Variants in NKAIN3 observed in about 807,000 individuals in gnomAD.
NKAIN3 encodes sodium/potassium transporting ATPase interacting 3.
NKAIN3 carries 25 observed loss-of-function variants against 30.2 expected under a neutral mutation model. The observed-to-expected ratio is 0.83, with a 90% CI of 0.60 to 1.16. The LOEUF (loss-of-function observed/expected upper bound fraction) is 1.16, where lower values mean the gene tolerates loss of function less well. NKAIN3 is among the 50% of genes most tolerant of loss of function. The pLI is 0.00. For missense variants in NKAIN3, 225 were observed against 254.1 expected (o/e 0.89, Z 0.78); for synonymous variants, 91 against 89.6 (o/e 1.02, Z -0.09).
intron 3 of NKAIN3, among the ~76,000 whole-genome samples, chr8:62,662,174 G>T (rs1489703572): frequency 1.3e-5 from 2 of 152,166 alleles, no homozygotes; most frequent in Non-Finnish European, 2.9e-5. Context: ...AGCCCAGGCA[G>T]GCTGAGGAGC....
At chr8:62,547,552 T>C (rs898367497) in intron 1 of NKAIN3, among the ~76,000 whole-genome samples, 1 of 152,194 alleles carries the variant, frequency 6.6e-6, no homozygotes, top group African/African-American at 2.4e-5. Flanking sequence ...AAATCTATAT[T>C]ACAGGGCTTC....
Position 62,966,925 on chromosome 8 carries a change from A to T in NKAIN3, c.*1518A>T, listed in dbSNP as rs1823727491. Among the ~76,000 whole-genome samples the T allele has an allele frequency of 6.6e-6, 1 of 151,958 alleles. No homozygotes were observed. ...TTTCGGAGCCTATAGGTTTCATGAG[A>T]CTCTGTTAAGAATCAGAGTTTAATG... On this transcript the variant is annotated 3_prime_UTR_variant, in exon 7 of 7. Transcript: ENST00000623646.
intron 3 of NKAIN3, among the ~76,000 whole-genome samples, chr8:62,612,367 A>T (rs1024313840): frequency 1.3e-5 from 2 of 151,882 alleles, no homozygotes; most frequent in African/African-American, 4.8e-5. Flanking sequence ...TTACATAGAT[A>T]CCCTCTTTGT....
chr8:62,903,035 T>C (rs937850770), intron 4 of NKAIN3, among the ~76,000 whole-genome samples: 1 of 152,228 alleles, frequency 6.6e-6, no homozygotes, highest in African/African-American at 2.4e-5. Context: ...TTATCTTTCT[T>C]GGTAGAGGCC....
intron 5 of NKAIN3, among the ~76,000 whole-genome samples, chr8:62,943,374 A>G (rs1025897867): frequency 1.4e-5 from 2 of 147,874 alleles, no homozygotes; most frequent in South Asian, 4.1e-4. Flanking sequence ...GTCATAATTT[A>G]AAAATCAAAA....
intron 1 of NKAIN3, among the ~76,000 whole-genome samples, chr8:62,549,859 T>C (rs1430406366): frequency 6.6e-6 from 1 of 150,852 alleles, no homozygotes; most frequent in Non-Finnish European, 1.5e-5. Flanking sequence ...ACTGTGCCAT[T>C]ATTCTACACT....
intron 4 of NKAIN3, chr8:62,863,661 C>T: frequency 7.3e-7 from 1 of 1,365,062 alleles, no homozygotes; most frequent in Admixed American, 1.7e-5. Flanking sequence ...CTTTCTCGAA[C>T]ACATTTGAGC....
chr8:62,920,180 C>A (rs1822235041), intron 5 of NKAIN3, among the ~76,000 whole-genome samples: 1 of 152,120 alleles, frequency 6.6e-6, no homozygotes, highest in South Asian at 2.1e-4. Flanking sequence ...GGAATTTGAG[C>A]TGAATAAGTC....
At chr8:62,859,085 G>T (rs954663258) in intron 4 of NKAIN3, among the ~76,000 whole-genome samples, 5 of 152,206 alleles carry the variant, frequency 3.3e-5, no homozygotes, top group Non-Finnish European at 7.3e-5. Flanking sequence ...CTCATAAGGG[G>T]ATCTCCTGAT....
At chr8:62,838,194 C>A (rs1259300089) in intron 4 of NKAIN3, among the ~76,000 whole-genome samples, 1 of 150,868 alleles carries the variant, frequency 6.6e-6, no homozygotes, top group Admixed American at 6.6e-5. Flanking sequence ...AAGCATATTG[C>A]AGCTTCCTAT....
chr8:62,629,995 G>A (rs959784051), intron 3 of NKAIN3, among the ~76,000 whole-genome samples: 1 of 151,984 alleles, frequency 6.6e-6, no homozygotes, highest in African/African-American at 2.4e-5. Flanking sequence ...GAAAACAGCT[G>A]AGTACAATAA....
intron 4 of NKAIN3, among the ~76,000 whole-genome samples, chr8:62,872,809 C>G (rs1820687034): frequency 6.6e-6 from 1 of 152,070 alleles, no homozygotes. Flanking sequence ...TACAGACAAG[C>G]AAATGCTGAG....
At chr8:62,426,827 C>A (rs1563393936) in intron 1 of NKAIN3, among the ~76,000 whole-genome samples, 4 of 151,888 alleles carry the variant, frequency 2.6e-5, no homozygotes, top group Non-Finnish European at 5.9e-5. Context: ...TTAGATTTAT[C>A]CATGTCAAGT....
chr8:62,374,863 T>C (rs1817027066), intron 1 of NKAIN3, among the ~76,000 whole-genome samples: 1 of 152,326 alleles, frequency 6.6e-6, no homozygotes, highest in South Asian at 2.1e-4. Context: ...GAACATATGT[T>C]ACTGAACTTG....
chr8:62,778,664 G>C (rs1301311085), intron 4 of NKAIN3, among the ~76,000 whole-genome samples: 1 of 152,050 alleles, frequency 6.6e-6, no homozygotes, highest in Admixed American at 6.6e-5. Flanking sequence ...CGAGAGACTG[G>C]AATCAAAGAC....
At chr8:62,937,587 G>A (rs994409336) in intron 5 of NKAIN3, among the ~76,000 whole-genome samples, 1 of 152,108 alleles carries the variant, frequency 6.6e-6, no homozygotes, top group African/African-American at 2.4e-5. Context: ...GGACCTTGGG[G>A]AGGGCTGCCA....
chr8:62,519,957 C>T (rs1585899810), intron 1 of NKAIN3, among the ~76,000 whole-genome samples: 1 of 152,278 alleles, frequency 6.6e-6, no homozygotes, highest in East Asian at 1.9e-4. Flanking sequence ...CTGATGGACT[C>T]GCAAAATTCC....
intron 4 of NKAIN3, among the ~76,000 whole-genome samples, chr8:62,761,059 T>C (rs1035148799): frequency 6.6e-6 from 1 of 152,236 alleles, no homozygotes; most frequent in African/African-American, 2.4e-5. Flanking sequence ...AGGTTTGTCC[T>C]AGAAGGATTT....
chr8:62,926,775 G>T (rs1822461386), intron 5 of NKAIN3, among the ~76,000 whole-genome samples: 1 of 152,072 alleles, frequency 6.6e-6, no homozygotes, highest in Admixed American at 6.6e-5. Context: ...AAGTTCCCAG[G>T]CTCTCTATCT....
Sources: allele counts gnomAD v4.1 joint callset (sites outside exome capture counted in the v4.1 genomes callset), GRCh38; gene constraint gnomAD v4.1.1; transcripts MANE v1.5; gene names NCBI Gene and HGNC (gene_info 2026-07-23, HGNC 2026-07-21).